The following ENPP3 variants were observed in gnomAD, a reference collection of about 807,000 sequenced individuals.
ENPP3 encodes ectonucleotide pyrophosphatase/phosphodiesterase 3.
ENPP3 carries 104 observed loss-of-function variants against 117.8 expected under a neutral mutation model. The observed-to-expected ratio is 0.88, with a 90% CI of 0.75 to 1.04. ENPP3 has a LOEUF of 1.04. Among genes scored for constraint, ENPP3 ranks in the 50% least tolerant of loss-of-function variants. The pLI is 0.00. For missense variants in ENPP3, 1,026 were observed against 1,051.9 expected (o/e 0.98, Z 0.34); for synonymous variants, 380 against 349.9 (o/e 1.09, Z -0.96).
At chr6:131,644,260 T>G (rs1317014745) in intron 2 of ENPP3, among the ~76,000 whole-genome samples, 1 of 152,214 alleles carries the variant, frequency 6.6e-6, no homozygotes, top group African/African-American at 2.4e-5. Flanking sequence ...AAGAACTGAT[T>G]GCAGGATTTG....
chr6:131,746,894 C>A lies in ENPP3; in HGVS notation c.2566C>A (p.Gln856Lys), dbSNP rs1780647792. 2 of 1,611,514 alleles carry A rather than the reference C, an allele frequency of 1.2e-6. No individual in the cohort carries two copies. Among genetic ancestry groups the A allele is most frequent in the African/African-American group, 2.7e-5 (2 of 74,842 alleles). The change falls in exon 25 of 25, where the codon CAG becomes AAG. Residue 856 changes from glutamine to lysine, a missense_variant. Transcript: ENST00000357639. ...GCTTGACTTCTATCAGGATAAAGTG[C>A]AGCCTGTCTCTGAAATTTTGCAACT... ...TGLDFYQDKV[Q>K]PVSEILQLKT...
At chr6:131,726,464 A>T (rs1388477275) in intron 20 of ENPP3, among the ~76,000 whole-genome samples, 1 of 152,202 alleles carries the variant, frequency 6.6e-6, no homozygotes, top group East Asian at 1.9e-4. Context: ...GTAGAAAAGG[A>T]CATTTTAAAC....
chr6:131,653,295 A>G (rs1778305098), intron 5 of ENPP3, among the ~76,000 whole-genome samples: 1 of 145,558 alleles, frequency 6.9e-6, no homozygotes, highest in East Asian at 2.1e-4. Flanking sequence ...TGCTTGGCTA[A>G]TTTTTTATTT....
intron 1 of ENPP3, among the ~76,000 whole-genome samples, chr6:131,639,361 A>G (rs557850583): frequency 2.0e-5 from 3 of 149,282 alleles, no homozygotes; most frequent in Admixed American, 6.8e-5. Context: ...TTGCTGCAGC[A>G]ACTCAGGCTC....
At chr6:131,663,886 T>C (rs1007530487) in intron 6 of ENPP3, among the ~76,000 whole-genome samples, 1 of 152,146 alleles carries the variant, frequency 6.6e-6, no homozygotes, top group East Asian at 1.9e-4. Flanking sequence ...TACTGGTTTA[T>C]GTATTTACTA....
intron 15 of ENPP3, among the ~76,000 whole-genome samples, chr6:131,697,404 T>C (rs1419041991): frequency 2.8e-5 from 3 of 107,286 alleles, no homozygotes; most frequent in African/African-American, 1.1e-4. Context: ...ACCGGTTTCA[T>C]AGAAGACAGT....
chr6:131,653,426 G>C (rs999435049), intron 5 of ENPP3, among the ~76,000 whole-genome samples: 3 of 151,622 alleles, frequency 2.0e-5, no homozygotes, highest in Non-Finnish European at 2.9e-5. Context: ...GGGATTCCAG[G>C]CATGAGCCAC....
At chr6:131,719,930 T>C (rs932830823) in intron 16 of ENPP3, among the ~76,000 whole-genome samples, 1 of 152,054 alleles carries the variant, frequency 6.6e-6, no homozygotes, top group African/African-American at 2.4e-5. Flanking sequence ...TATGAAACAA[T>C]ATGAAAAGAT....
intron 6 of ENPP3, among the ~76,000 whole-genome samples, chr6:131,662,123 C>T (rs530647801): frequency 6.6e-6 from 1 of 152,266 alleles, no homozygotes; most frequent in South Asian, 2.1e-4. Context: ...TATGGATATC[C>T]ACTTTCTGAC....
In ENPP3 at chr6:131,738,145, C is replaced by T. The variant is rs143261440; in HGVS notation, c.2282C>T (p.Ala761Val). The T allele has an allele frequency of 2.2e-5, 36 of 1,610,460 alleles. No individual in the cohort carries two copies. The African/African-American group carries it at 4.3e-4, about 19-fold the overall frequency. ...TATAATTATGATGGCCATTTTGATG[C>T]TCCAGATGAAATTACCAAGTAAGTG... ...FDYNYDGHFD[A>V]PDEITKHLAN... The change falls in exon 23 of 25, where the codon GCT becomes GTT. Residue 761 changes from alanine (A) to valine (V), a missense_variant. By Grantham distance (64) the Ala-to-Val change is moderately conservative (BLOSUM62 0). Transcript: ENST00000357639.
At chr6:131,724,223 AGGT>A in intron 19 of ENPP3, 132 bp downstream of exon 19, 1 of 615,040 alleles carries the variant, frequency 1.6e-6, no homozygotes. Context: ...AATATACAAA[AGGT>A]AAAAAAAAAA....
At chr6:131,666,889 C>T (rs147419387) in intron 6 of ENPP3, among the ~76,000 whole-genome samples, 130 of 152,320 alleles carry the variant, frequency 8.5e-4, no homozygotes, top group Middle Eastern at 3.4e-3. Context: ...GCCTGATCAG[C>T]GATTCTGGAG....
intron 13 of ENPP3, 45 bp from the exon 14 acceptor site, chr6:131,685,831 C>T (rs1475332656): frequency 1.2e-5 from 9 of 777,974 alleles, no homozygotes; most frequent in African/African-American, 3.4e-5. Context: ...TGCATTTGTT[C>T]GTTATCAATT....
At chr6:131,737,484 A>G (rs1185285744) in intron 22 of ENPP3, 52 bp downstream of exon 22, 4 of 992,168 alleles carry the variant, frequency 4.0e-6, no homozygotes, top group Non-Finnish European at 6.2e-6. Flanking sequence ...GACTCCTTGA[A>G]CTTCCAAACT....
chr6:131,746,660 T>A, intron 24 of ENPP3, 126 bp from the exon 25 acceptor site: 1 of 708,350 alleles, frequency 1.4e-6, no homozygotes, highest in East Asian at 2.9e-5. Flanking sequence ...AATTTAGCTG[T>A]ATCAAATTAA....
intron 5 of ENPP3, among the ~76,000 whole-genome samples, chr6:131,657,736 A>G (rs9493038): frequency 0.24 from 36,052 of 152,108 alleles, 6,247 homozygotes; most frequent in African/African-American, 0.47. Flanking sequence ...GGTTTGGAGA[A>G]TTTAGTGACC....
At chr6:131,719,798 C>CT (rs1363239732) in intron 16 of ENPP3, among the ~76,000 whole-genome samples, 1 of 151,730 alleles carries the variant, frequency 6.6e-6, no homozygotes, top group Non-Finnish European at 1.5e-5. Flanking sequence ...ATATTGAGGT[C>CT]TTTTTATCCC....
chr6:131,722,442 G>A (rs1285747719), intron 18 of ENPP3, 37 bp downstream of exon 18: 1 of 1,573,954 alleles, frequency 6.4e-7, no homozygotes, highest in South Asian at 1.1e-5. Context: ...AGAACGTAAA[G>A]GGGCAAGCTA....
chr6:131,658,756 G>C lies in ENPP3; in HGVS notation c.562+336G>C, dbSNP rs538234337. Among the ~76,000 whole-genome samples the C allele has an allele frequency of 1.2e-4, 18 of 152,338 alleles. No individual in the cohort carries two copies. In the East Asian group the frequency reaches 3.5e-3, roughly 29 times the overall value. On this transcript the variant is annotated intron_variant, in intron 6 of 24. Coordinates refer to ENST00000357639, the MANE Select transcript of ENPP3 (RefSeq NM_005021.5). ...CCCAGGTTCTGGGCCTTAGCAAGGA[G>C]AATATAGCGAGAACCGGATCCTGAA...
Sources: gnomAD v4.1 joint callset for allele counts (sites outside exome capture counted in the v4.1 genomes callset) on GRCh38, gnomAD v4.1.1 for gene constraint, MANE v1.5 for transcripts, NCBI Gene and HGNC (gene_info 2026-07-23, HGNC 2026-07-21) for gene names.